Variants in PDZRN4 observed in about 807,000 individuals in gnomAD.
The protein encoded by PDZRN4 is PDZ domain-containing RING finger protein 4.
In PDZRN4, 70 loss-of-function variants were observed where a neutral mutation model predicts 99.0. That is an observed-to-expected ratio of 0.71 (90% CI 0.58 to 0.86). The LOEUF (loss-of-function observed/expected upper bound fraction) is 0.86. Among genes scored for constraint, PDZRN4 ranks in the 40% least tolerant of loss-of-function variants. The pLI, the probability that PDZRN4 is intolerant of heterozygous loss-of-function variation, is 0.00. For synonymous variants in PDZRN4, 551 were observed against 501.6 expected (o/e 1.10, Z -1.32); for missense variants, 1,474 against 1,331.2 (o/e 1.11, Z -1.67).
chr12:41,255,929 G>A (rs909656172), intron 3 of PDZRN4, among the ~76,000 whole-genome samples: 19 of 152,080 alleles, frequency 1.2e-4, no homozygotes, highest in African/African-American at 4.6e-4. Context: ...AACCATTGGT[G>A]AGAAATTCAC....
chr12:41,537,741 T>A (rs1938773361), intron 5 of PDZRN4, among the ~76,000 whole-genome samples: 1 of 152,110 alleles, frequency 6.6e-6, no homozygotes, highest in Non-Finnish European at 1.5e-5. Flanking sequence ...TACATCATCC[T>A]GAACTGTAGC....
chr12:41,564,686 G>T (rs1939333400), intron 8 of PDZRN4, among the ~76,000 whole-genome samples: 1 of 151,978 alleles, frequency 6.6e-6, no homozygotes, highest in Non-Finnish European at 1.5e-5. Context: ...ATAGCCTGGG[G>T]CAGAGTAAAG....
chr12:41,430,400 C>A lies in PDZRN4; in HGVS notation c.844-76056C>A, dbSNP rs371550041. On this transcript the variant is annotated intron_variant, in intron 3 of 9. Coordinates refer to ENST00000402685, the MANE Select transcript of PDZRN4 (RefSeq NM_001164595.2). The stretch of plus-strand genomic sequence containing the variant: ...AGGAGAATTACTTGAACCCAGGAGG[C>A]AGAGGTTGCAGTGAGCCGAGATTGT... 4.6e-5 allele frequency among the ~76,000 whole-genome samples: 7 copies of A among 151,028 alleles called. No individual in the cohort carries two copies. In the East Asian group the frequency reaches 1.2e-3, roughly 25 times the overall value.
intron 3 of PDZRN4, among the ~76,000 whole-genome samples, chr12:41,249,936 G>A (rs1951157207): frequency 1.3e-5 from 2 of 152,146 alleles, no homozygotes; most frequent in African/African-American, 4.8e-5. Context: ...AGTTTTATGG[G>A]AAATCAATCT....
chr12:41,476,726 C>A (rs532421622), intron 3 of PDZRN4, among the ~76,000 whole-genome samples: 1 of 152,308 alleles, frequency 6.6e-6, no homozygotes, highest in South Asian at 2.1e-4. Flanking sequence ...AATTGACAAG[C>A]CTGAGCACCT....
At chr12:41,221,765 T>C (rs1025073480) in intron 3 of PDZRN4, among the ~76,000 whole-genome samples, 1 of 152,096 alleles carries the variant, frequency 6.6e-6, no homozygotes, top group African/African-American at 2.4e-5. Context: ...TATAGACTTA[T>C]TTGTCCTCAA....
At chr12:41,540,863 CGTTGTTGTTGTT>C (rs747322893) in intron 5 of PDZRN4, among the ~76,000 whole-genome samples, 1 of 115,754 alleles carries the variant, frequency 8.6e-6, no homozygotes. Context: ...CCCTTTTCTT[CGTTGTTGTTGTT>C]GTTGTTGTTG....
Position 41,191,523 on chromosome 12 carries a change from T to A in PDZRN4, c.714T>A (p.Ile238=). The change falls in exon 2 of 10, where the codon ATT becomes ATA. Residue 238 remains isoleucine, a synonymous_variant. Transcript: ENST00000402685. ...ERENDTLGFN[I]IGGRPNQNNQ... ...AAAATGACACTTTGGGATTCAATAT[T>A]ATAGGAGGTCGACCAAATCAGGTAA... The A allele has an allele frequency of 6.4e-7, 1 of 1,554,224 alleles. No individual in the cohort carries two copies.
chr12:41,395,834 C>G (rs1952242366), intron 3 of PDZRN4, among the ~76,000 whole-genome samples: 2 of 152,106 alleles, frequency 1.3e-5, no homozygotes, highest in Non-Finnish European at 2.9e-5. Context: ...TATTAGGACA[C>G]TACCTTAGAT....
intron 3 of PDZRN4, among the ~76,000 whole-genome samples, chr12:41,477,567 T>C (rs533860617): frequency 1.3e-5 from 2 of 152,338 alleles, no homozygotes; most frequent in African/African-American, 2.4e-5. Flanking sequence ...TTAATTCCTT[T>C]TGTTTATTTC....
intron 3 of PDZRN4, among the ~76,000 whole-genome samples, chr12:41,351,504 G>T (rs1485884546): frequency 6.6e-6 from 1 of 152,010 alleles, no homozygotes; most frequent in Non-Finnish European, 1.5e-5. Flanking sequence ...TTCTGCTTCT[G>T]GTGAGGCCTC....
chr12:41,547,800 C>T (rs1021647883), intron 5 of PDZRN4, among the ~76,000 whole-genome samples: 9 of 151,524 alleles, frequency 5.9e-5, no homozygotes, highest in African/African-American at 1.9e-4. Flanking sequence ...ATAATGTTTC[C>T]TTCTTTGTTA....
intron 3 of PDZRN4, among the ~76,000 whole-genome samples, chr12:41,467,045 C>T (rs201263671): frequency 6.6e-6 from 1 of 152,206 alleles, no homozygotes; most frequent in East Asian, 1.9e-4. Context: ...TGATAAGGAA[C>T]ACAATGAATA....
chr12:41,571,374 TCTCACACACA>T (rs1309632230), intron 9 of PDZRN4, among the ~76,000 whole-genome samples: 70 of 60,772 alleles, frequency 1.2e-3, no homozygotes, highest in Admixed American at 4.9e-3. Flanking sequence ...TCTCTCTCTC[TCTCACACACA>T]CACACACACA....
intron 3 of PDZRN4, among the ~76,000 whole-genome samples, chr12:41,231,098 C>G (rs1239648807): frequency 6.6e-6 from 1 of 152,016 alleles, no homozygotes; most frequent in Non-Finnish European, 1.5e-5. Flanking sequence ...AACAGAAATT[C>G]ATTCATGAAC....
At chr12:41,224,763 TAAC>T (rs2120734279) in intron 3 of PDZRN4, among the ~76,000 whole-genome samples, 1 of 152,282 alleles carries the variant, frequency 6.6e-6, no homozygotes, top group South Asian at 2.1e-4. Flanking sequence ...TTTTATTATA[TAAC>T]AACAAGAGCT....
At chr12:41,269,219 C>T (rs969180436) in intron 3 of PDZRN4, among the ~76,000 whole-genome samples, 6 of 152,144 alleles carry the variant, frequency 3.9e-5, no homozygotes, top group African/African-American at 1.2e-4. Context: ...ATGATTGACA[C>T]TTTCTATAAA....
chr12:41,486,389 G>T (rs1937773560), intron 3 of PDZRN4, among the ~76,000 whole-genome samples: 1 of 152,072 alleles, frequency 6.6e-6, no homozygotes, highest in Non-Finnish European at 1.5e-5. Flanking sequence ...CATAAACCAA[G>T]ATATGTAAAC....
chr12:41,539,220 T>C (rs1345461594), intron 5 of PDZRN4, among the ~76,000 whole-genome samples: 5 of 152,034 alleles, frequency 3.3e-5, no homozygotes, highest in Non-Finnish European at 5.9e-5. Flanking sequence ...TATACATATT[T>C]AAAATGCATA....
Sources: allele counts gnomAD v4.1 joint callset (sites outside exome capture counted in the v4.1 genomes callset), GRCh38; gene constraint gnomAD v4.1.1; transcripts MANE v1.5; gene names NCBI Gene and HGNC (gene_info 2026-07-23, HGNC 2026-07-21).